NBAS: variants seen among roughly 807,000 people sequenced by gnomAD.
NBAS encodes the protein NAG/BC035112 fusion.
NBAS carries 219 observed loss-of-function variants against 302.5 expected under a neutral mutation model. The ratio of observed to expected loss-of-function variants is 0.72; its 90% confidence interval spans 0.65 to 0.81. NBAS has a LOEUF of 0.81. Ranked by LOEUF, NBAS falls within the 30% of genes least tolerant of loss-of-function variation. The pLI is 0.00. For synonymous variants in NBAS, 1,118 were observed against 1,021.6 expected (o/e 1.09, Z -1.80); for missense variants, 2,932 against 2,841.6 (o/e 1.03, Z -0.72).
At chr2:15,250,344 T>A (rs1308854352) in intron 44 of NBAS, among the ~76,000 whole-genome samples, 2 of 152,078 alleles carry the variant, frequency 1.3e-5, no homozygotes, top group East Asian at 3.8e-4. Flanking sequence ...ACATAAGACC[T>A]AAAACCATAA....
At chr2:15,190,653 CT>C (rs2125140501) in intron 48 of NBAS, among the ~76,000 whole-genome samples, 1 of 152,266 alleles carries the variant, frequency 6.6e-6, no homozygotes, top group East Asian at 1.9e-4. Context: ...AACAAGCAGA[CT>C]TCCACAGAAC....
chr2:15,405,933 A>T (rs1007230525), intron 25 of NBAS, among the ~76,000 whole-genome samples: 2 of 152,092 alleles, frequency 1.3e-5, no homozygotes, highest in African/African-American at 2.4e-5. Flanking sequence ...AACTAATAGA[A>T]CAACATCCGC....
chr2:15,507,935 G>C (rs769526612), intron 10 of NBAS, among the ~76,000 whole-genome samples: 4 of 152,198 alleles, frequency 2.6e-5, no homozygotes, highest in African/African-American at 9.7e-5. Flanking sequence ...AGACTACGAT[G>C]TATGTGTCAG....
At chr2:15,359,332 C>T (rs1272233761) in intron 32 of NBAS, among the ~76,000 whole-genome samples, 1 of 152,208 alleles carries the variant, frequency 6.6e-6, no homozygotes, top group Non-Finnish European at 1.5e-5. Context: ...TTTGTCCCAA[C>T]AGGGACTTTA....
chr2:14,866,010 T>C, the NBAS span, among the ~76,000 whole-genome samples: 1 of 152,186 alleles, frequency 6.6e-6, no homozygotes, highest in African/African-American at 2.4e-5. Context: ...TATTTTCAGA[T>C]GGATTTTTTT....
At chr2:15,105,800 T>C in the NBAS span, among the ~76,000 whole-genome samples, 1 of 152,258 alleles carries the variant, frequency 6.6e-6, no homozygotes, top group East Asian at 1.9e-4. Flanking sequence ...GCAACGATTA[T>C]CAAACATGTC....
chr2:15,480,882 G>C (rs1680402248), intron 12 of NBAS, among the ~76,000 whole-genome samples: 1 of 152,156 alleles, frequency 6.6e-6, no homozygotes, highest in East Asian at 1.9e-4. Flanking sequence ...GGGGCACTTA[G>C]TGCATTTACC....
At chr2:14,801,263 T>C in the NBAS span, among the ~76,000 whole-genome samples, 1 of 152,178 alleles carries the variant, frequency 6.6e-6, no homozygotes, top group African/African-American at 2.4e-5. Context: ...TCTGATTTTT[T>C]TCTCTCTCAC....
the NBAS span, among the ~76,000 whole-genome samples, chr2:15,015,217 A>G: frequency 6.6e-6 from 1 of 151,990 alleles, no homozygotes; most frequent in South Asian, 2.1e-4. Context: ...TTAAAGAAAA[A>G]GTAATACTAA....
At chr2:14,863,090 A>G in the NBAS span, among the ~76,000 whole-genome samples, 1 of 152,252 alleles carries the variant, frequency 6.6e-6, no homozygotes, top group South Asian at 2.1e-4. Flanking sequence ...CTCTGTAGAC[A>G]CAATGTCTTC....
the NBAS span, among the ~76,000 whole-genome samples, chr2:15,061,202 G>C: frequency 1.4e-4 from 21 of 152,204 alleles, no homozygotes; most frequent in Non-Finnish European, 2.5e-4. Context: ...GTGCTCACCT[G>C]TGTGTGCACA....
chr2:15,039,364 C>A, the NBAS span, among the ~76,000 whole-genome samples: 2 of 152,154 alleles, frequency 1.3e-5, no homozygotes, highest in Non-Finnish European at 2.9e-5. Flanking sequence ...CAGAAACACC[C>A]TATGATTCAA....
chr2:14,860,695 T>C, the NBAS span, among the ~76,000 whole-genome samples: 224 of 152,260 alleles, frequency 1.5e-3, no homozygotes, highest in African/African-American at 4.5e-3. Flanking sequence ...GGGAGTGTTA[T>C]ATGGGAAGGA....
chr2:14,881,157 TAAA>T, the NBAS span, among the ~76,000 whole-genome samples: 1 of 152,256 alleles, frequency 6.6e-6, no homozygotes, highest in South Asian at 2.1e-4. Context: ...TATGCAGCCA[TAAA>T]AATAATGAAG....
chr2:15,160,938 T>C, the NBAS span, among the ~76,000 whole-genome samples: 3 of 152,194 alleles, frequency 2.0e-5, no homozygotes, highest in Non-Finnish European at 4.4e-5. Flanking sequence ...GCCTAACAGA[T>C]CCTGGATACA....
the NBAS span, among the ~76,000 whole-genome samples, chr2:14,977,542 C>T: frequency 3.3e-5 from 5 of 152,184 alleles, no homozygotes; most frequent in African/African-American, 7.2e-5. Context: ...GATTAATTTT[C>T]TTCTGAACTG....
the NBAS span, among the ~76,000 whole-genome samples, chr2:15,073,117 C>A: frequency 6.7e-6 from 1 of 149,958 alleles, no homozygotes; most frequent in Non-Finnish European, 1.5e-5. Flanking sequence ...GCTGGAAACC[C>A]TGACTCAAAA....
At chr2:15,176,150 T>A (rs1422132887) in intron 51 of NBAS, among the ~76,000 whole-genome samples, 1 of 152,206 alleles carries the variant, frequency 6.6e-6, no homozygotes, top group Non-Finnish European at 1.5e-5. Context: ...CAAGGATGAC[T>A]TAAAAACAGC....
At chr2:15,556,892 A>T in intron 2 of NBAS, 73 bp from the exon 3 acceptor site, 2 of 1,201,574 alleles carry the variant, frequency 1.7e-6, no homozygotes, top group South Asian at 2.5e-5. Flanking sequence ...AGATTTATAG[A>T]TGAGAAATCT....
Sources: gnomAD v4.1 joint callset for allele counts (sites outside exome capture counted in the v4.1 genomes callset) on GRCh38, gnomAD v4.1.1 for gene constraint, MANE v1.5 for transcripts, NCBI Gene and HGNC (gene_info 2026-07-23, HGNC 2026-07-21) for gene names.